The following CSMD1 variants were observed in gnomAD, a reference collection of about 807,000 sequenced individuals.
CSMD1 encodes CUB and sushi domain-containing protein 1.
Under a neutral mutation model 417.5 loss-of-function variants are expected in CSMD1, and 213 were observed. That is an observed-to-expected ratio of 0.51 (90% CI 0.46 to 0.57). The LOEUF (loss-of-function observed/expected upper bound fraction) is 0.57. Among genes scored for constraint, CSMD1 ranks in the 20% least tolerant of loss-of-function variants. The pLI, the probability that CSMD1 is intolerant of heterozygous loss-of-function variation, is 0.00. For synonymous variants in CSMD1, 2,862 were observed against 1,736.8 expected, an observed-to-expected ratio of 1.65 and a Z score of -16.11; for missense variants, 6,923 against 4,529.7, an observed-to-expected ratio of 1.53 and a Z score of -15.17.
At chr8:3,133,590 C>G (rs1585432412) in intron 41 of CSMD1, among the ~76,000 whole-genome samples, 1 of 152,156 alleles carries the variant, frequency 6.6e-6, no homozygotes, top group Non-Finnish European at 1.5e-5. Context: ...GAGGAGAAAC[C>G]TATGGCTGGG....
intron 8 of CSMD1, among the ~76,000 whole-genome samples, chr8:3,592,414 GT>G (rs1250241477): frequency 6.6e-6 from 1 of 152,044 alleles, no homozygotes; most frequent in Non-Finnish European, 1.5e-5. Flanking sequence ...TAGGTAAAAT[GT>G]TTTTCAGTCT....
At chr8:3,666,782 C>G (rs1798715606) in intron 7 of CSMD1, among the ~76,000 whole-genome samples, 1 of 152,152 alleles carries the variant, frequency 6.6e-6, no homozygotes, top group Admixed American at 6.5e-5. Context: ...CTTTAGCCTT[C>G]CATCATGATT....
chr8:4,070,746 T>G (rs1452148328), intron 3 of CSMD1, among the ~76,000 whole-genome samples: 1 of 152,114 alleles, frequency 6.6e-6, no homozygotes, highest in Non-Finnish European at 1.5e-5. Context: ...TCTCAGCATT[T>G]CCTCCACCAC....
chr8:4,305,517 G>C (rs888418565), intron 3 of CSMD1, among the ~76,000 whole-genome samples: 2 of 152,138 alleles, frequency 1.3e-5, no homozygotes, highest in Admixed American at 1.3e-4. Context: ...AGGGCAGAGC[G>C]GTGTCACAGA....
At chr8:4,815,120 A>G (rs1799131607) in intron 1 of CSMD1, among the ~76,000 whole-genome samples, 1 of 152,178 alleles carries the variant, frequency 6.6e-6, no homozygotes, top group South Asian at 2.1e-4. Flanking sequence ...GACTCAATCA[A>G]TGACATCTAG....
intron 3 of CSMD1, among the ~76,000 whole-genome samples, chr8:4,111,497 T>C (rs150448747): frequency 1.3e-5 from 2 of 152,138 alleles, no homozygotes; most frequent in Non-Finnish European, 2.9e-5. Context: ...CTATCCACAA[T>C]AGCAAAGACA....
At chr8:4,733,975 G>C (rs147706874) in intron 1 of CSMD1, among the ~76,000 whole-genome samples, 9 of 152,276 alleles carry the variant, frequency 5.9e-5, no homozygotes, top group African/African-American at 1.9e-4. Flanking sequence ...ATGCCCCTAT[G>C]CATGTGAAGT....
At chr8:4,786,388 C>T (rs938036482) in intron 1 of CSMD1, among the ~76,000 whole-genome samples, 2 of 152,156 alleles carry the variant, frequency 1.3e-5, no homozygotes, top group Non-Finnish European at 2.9e-5. Context: ...GAACATGCAT[C>T]GGTCAAGTAA....
At chr8:3,398,187 G>T (rs980053190) in intron 16 of CSMD1, among the ~76,000 whole-genome samples, 7 of 152,088 alleles carry the variant, frequency 4.6e-5, no homozygotes, top group African/African-American at 1.7e-4. Flanking sequence ...AATTTGATAC[G>T]CTGCTGGGAG....
chr8:4,285,983 C>G (rs1218827705), intron 3 of CSMD1, among the ~76,000 whole-genome samples: 1 of 152,114 alleles, frequency 6.6e-6, no homozygotes, highest in Non-Finnish European at 1.5e-5. Context: ...CAGTGAGTCA[C>G]CTTTACCTCT....
chr8:3,413,876 C>T (rs151183564), intron 12 of CSMD1, among the ~76,000 whole-genome samples: 42 of 152,130 alleles, frequency 2.8e-4, no homozygotes, highest in South Asian at 8.3e-4. Context: ...CGGTAGCTCA[C>T]GCCTGTAATC....
chr8:3,691,437 A>G lies in CSMD1; in HGVS notation c.1009+16977T>C, dbSNP rs985046528. On this transcript the variant is annotated intron_variant, in intron 7 of 69. Coordinates refer to ENST00000635120, the MANE Select transcript of CSMD1 (RefSeq NM_033225.6). ...ACAAAAAACTGTGTCAATGAAGAGA[A>G]GATTGGCGCTTCCTTTATGCAACAC... 2.0e-5 allele frequency among the ~76,000 whole-genome samples: 3 copies of G among 152,298 alleles called. No homozygotes were observed. In the East Asian group the frequency reaches 5.8e-4, roughly 29 times the overall value.
chr8:4,302,743 GT>G (rs1798044770), intron 3 of CSMD1, among the ~76,000 whole-genome samples: 1 of 152,190 alleles, frequency 6.6e-6, no homozygotes, highest in Admixed American at 6.5e-5. Flanking sequence ...AAGTCATTTA[GT>G]TTTTTACTGA....
intron 1 of CSMD1, among the ~76,000 whole-genome samples, chr8:4,986,399 G>T (rs1811180135): frequency 6.6e-6 from 1 of 152,078 alleles, no homozygotes; most frequent in African/African-American, 2.4e-5. Flanking sequence ...TGTTAAAAAA[G>T]AAGAGGAGGA....
chr8:3,803,928 C>G (rs1369875361), intron 5 of CSMD1, among the ~76,000 whole-genome samples: 2 of 151,968 alleles, frequency 1.3e-5, no homozygotes, highest in African/African-American at 4.8e-5. Flanking sequence ...GACAAAGTTT[C>G]TCTTTTTTTC....
intron 3 of CSMD1, among the ~76,000 whole-genome samples, chr8:4,284,697 A>G (rs936295950): frequency 2.0e-5 from 3 of 152,108 alleles, no homozygotes; most frequent in Admixed American, 6.6e-5. Flanking sequence ...ATAAAACACT[A>G]AAATTTGGAT....
intron 1 of CSMD1, among the ~76,000 whole-genome samples, chr8:4,867,317 T>C (rs1272811122): frequency 2.0e-5 from 3 of 152,096 alleles, no homozygotes; most frequent in Non-Finnish European, 4.4e-5. Context: ...CCACTGTTTA[T>C]ATCTTGTCAT....
intron 5 of CSMD1, among the ~76,000 whole-genome samples, chr8:3,772,661 A>T (rs1489381619): frequency 6.8e-6 from 1 of 146,162 alleles, no homozygotes; most frequent in Non-Finnish European, 1.5e-5. Context: ...ATATATACAT[A>T]CATTTATATA....
At chr8:3,764,993 C>A (rs537897984) in intron 5 of CSMD1, among the ~76,000 whole-genome samples, 1 of 152,080 alleles carries the variant, frequency 6.6e-6, no homozygotes, top group East Asian at 1.9e-4. Context: ...GATCTGCCCA[C>A]TTCGGCCTCC....
Sources: gnomAD v4.1 joint callset for allele counts (sites outside exome capture counted in the v4.1 genomes callset) on GRCh38, gnomAD v4.1.1 for gene constraint, MANE v1.5 for transcripts, NCBI Gene and HGNC (gene_info 2026-07-23, HGNC 2026-07-21) for gene names.